TBL1X: variants seen among roughly 807,000 people sequenced by gnomAD.
TBL1X encodes F-box-like/WD repeat-containing protein TBL1X.
Under a neutral mutation model 50.7 loss-of-function variants are expected in TBL1X, and 10 were observed. That is an observed-to-expected ratio of 0.20 (90% CI 0.12 to 0.33). The LOEUF is 0.33. Ranked by LOEUF, TBL1X falls within the 10% of genes least tolerant of loss-of-function variation. The probability of loss-of-function intolerance (pLI) is 1.00; values close to 1 mark genes in which losing one functional copy is unlikely to be tolerated. For missense variants in TBL1X, 340 were observed against 504.4 expected (o/e 0.67, Z 3.12); for synonymous variants, 190 against 214.7 (o/e 0.88, Z 1.01).
intron 2 of TBL1X, among the ~76,000 whole-genome samples, chrX:9,632,551 G>C (rs1176412480): frequency 8.9e-6 from 1 of 111,848 alleles, no homozygotes; most frequent in Non-Finnish European, 1.9e-5. Context: ...CCAAAGTGCT[G>C]GGATTACAGG....
chrX:9,665,489 C>CTACATATAAATATATA (rs1555906691), intron 5 of TBL1X, among the ~76,000 whole-genome samples: 2 of 19,798 alleles, frequency 1.0e-4, no homozygotes, highest in African/African-American at 4.1e-4. Flanking sequence ...GATATTCAAG[C>CTACATATAAATATATA]TATATATATA....
chrX:9,484,185 G>A (rs758985659), intron 1 of TBL1X, among the ~76,000 whole-genome samples: 19 of 108,741 alleles, frequency 1.7e-4, no homozygotes, highest in Non-Finnish European at 3.4e-4. Flanking sequence ...TTTATTTTTT[G>A]TAGAGATGAG....
intron 1 of TBL1X, among the ~76,000 whole-genome samples, chrX:9,485,898 G>A (rs1372083586): frequency 9.0e-6 from 1 of 111,639 alleles, no homozygotes; most frequent in Non-Finnish European, 1.9e-5. Context: ...CAATGTATTT[G>A]TTATTTATTT....
intron 2 of TBL1X, among the ~76,000 whole-genome samples, chrX:9,502,520 A>G (rs2082006477): frequency 8.9e-6 from 1 of 111,840 alleles, no homozygotes; most frequent in Non-Finnish European, 1.9e-5. Flanking sequence ...CTTCCCATAC[A>G]TGTAGAACCT....
chrX:9,602,889 C>CT (rs1307695271), intron 2 of TBL1X, among the ~76,000 whole-genome samples: 1 of 112,554 alleles, frequency 8.9e-6, no homozygotes, highest in African/African-American at 3.2e-5. Context: ...TAAAATCAAA[C>CT]TGAGTTCTTG....
rs1262389940 is a variant in TBL1X, at chrX:9,466,664, C to T, written c.-201+1217C>T. On this transcript the variant is annotated intron_variant, in intron 1 of 17. Transcript: ENST00000645353. ...AGGCGAGGGGGAAGGAAGGCAACCT[C>T]CCTGCTAAGGTTCCAGGCAGTGGCT... is the stretch of plus-strand genomic sequence containing the variant. 3.6e-5 allele frequency among the ~76,000 whole-genome samples: 4 copies of T among 112,467 alleles called. No individual in the cohort carries two copies. The East Asian group carries it at 1.1e-3, about 31-fold the overall frequency.
At chrX:9,536,319 C>T (rs1366093476) in intron 2 of TBL1X, among the ~76,000 whole-genome samples, 1 of 107,624 alleles carries the variant, frequency 9.3e-6, no homozygotes, top group Non-Finnish European at 1.9e-5. Context: ...GGCGTGATCT[C>T]GGCTCACTGC....
At chrX:9,586,480 G>A (rs1569065806) in intron 2 of TBL1X, among the ~76,000 whole-genome samples, 2 of 112,834 alleles carry the variant, frequency 1.8e-5, no homozygotes, top group Non-Finnish European at 3.7e-5. Context: ...GCAGTTGCCA[G>A]GGGCTGGGGG....
At chrX:9,492,159 C>T (rs1005991277) in intron 1 of TBL1X, among the ~76,000 whole-genome samples, 22 of 111,831 alleles carry the variant, frequency 2.0e-4, no homozygotes, top group Non-Finnish European at 2.3e-4. Context: ...AGTTGTGAGA[C>T]GAAGGTTTCT....
rs1322026741 is a variant in TBL1X at position 9,587,176 on chromosome X, TG to T, written c.-130-53096del. On this transcript the variant is annotated intron_variant, in intron 2 of 17. Transcript: ENST00000645353. ...CTGGAGGCCTCATCCCTGAGCAGGTTGCCCTCCTTCTGGTCGGATGGCAGGG... is the reference window on the plus strand; with the variant it reads ...CTGGAGGCCTCATCCCTGAGCAGGTTCCCTCCTTCTGGTCGGATGGCAGGG... 2.7e-5 allele frequency among the ~76,000 whole-genome samples: 3 copies of T among 112,124 alleles called. No homozygotes were observed. The East Asian group carries it at 8.4e-4, about 32-fold the overall frequency.
intron 17 of TBL1X, 127 bp from the exon 18 acceptor site, chrX:9,716,092 TA>T: frequency 2.9e-6 from 2 of 700,962 alleles, no homozygotes; most frequent in Non-Finnish European, 2.2e-6. Context: ...GATGTTCCAA[TA>T]AACTTTACTG....
At chrX:9,550,492 C>T (rs896826066) in intron 2 of TBL1X, among the ~76,000 whole-genome samples, 1 of 111,785 alleles carries the variant, frequency 8.9e-6, no homozygotes, top group African/African-American at 3.3e-5. Context: ...TGTAAAGCTC[C>T]CGAAAGAAAG....
intron 2 of TBL1X, among the ~76,000 whole-genome samples, chrX:9,603,499 A>G (rs1158110562): frequency 8.9e-6 from 1 of 112,227 alleles, no homozygotes; most frequent in East Asian, 2.8e-4. Context: ...TGGATCTTGT[A>G]CACTCTCACA....
intron 2 of TBL1X, among the ~76,000 whole-genome samples, chrX:9,585,155 A>G (rs2082461643): frequency 9.0e-6 from 1 of 111,700 alleles, no homozygotes. Context: ...AAGAGCAATC[A>G]TGTCTCAGAC....
At chrX:9,548,019 T>C (rs892157951) in intron 2 of TBL1X, among the ~76,000 whole-genome samples, 1 of 105,307 alleles carries the variant, frequency 9.5e-6, no homozygotes, top group Non-Finnish European at 1.9e-5. Context: ...AATTTTTACG[T>C]TGGTGCTGCC....
chrX:9,576,832 C>G (rs1286113870), intron 2 of TBL1X, among the ~76,000 whole-genome samples: 1 of 109,256 alleles, frequency 9.2e-6, no homozygotes, highest in Non-Finnish European at 1.9e-5. Flanking sequence ...GGCCCCATTT[C>G]TACATAAAAT....
intron 3 of TBL1X, among the ~76,000 whole-genome samples, chrX:9,640,690 G>A (rs1382269432): frequency 2.7e-5 from 3 of 111,293 alleles, no homozygotes; most frequent in African/African-American, 9.8e-5. Context: ...GAGTGCAGTG[G>A]TGCAATCTCG....
At chrX:9,579,688 C>T (rs762807078) in intron 2 of TBL1X, among the ~76,000 whole-genome samples, 15 of 111,518 alleles carry the variant, frequency 1.3e-4, no homozygotes, top group African/African-American at 4.6e-4. Flanking sequence ...TTGTTTCCAT[C>T]GGGTCCTGTG....
At chrX:9,577,656 T>C in intron 2 of TBL1X, among the ~76,000 whole-genome samples, 1 of 111,887 alleles carries the variant, frequency 8.9e-6, no homozygotes, top group Non-Finnish European at 1.9e-5. Flanking sequence ...TAGCCCCATA[T>C]GCGCCACGAT....
Sources: gnomAD v4.1 joint callset for allele counts (sites outside exome capture counted in the v4.1 genomes callset) on GRCh38, gnomAD v4.1.1 for gene constraint, MANE v1.5 for transcripts, NCBI Gene and HGNC (gene_info 2026-07-23, HGNC 2026-07-21) for gene names.